TENM3: variants seen among roughly 807,000 people sequenced by gnomAD.
The protein encoded by TENM3 is teneurin transmembrane protein 3.
A neutral mutation model predicts 255.1 loss-of-function variants in TENM3; 63 were observed. That is an observed-to-expected ratio of 0.25 (90% CI 0.20 to 0.30). The LOEUF (loss-of-function observed/expected upper bound fraction) is 0.30. TENM3 is among the 10% of genes least tolerant of loss of function. The probability of loss-of-function intolerance (pLI) is 1.00; values close to 1 mark genes in which losing one functional copy is unlikely to be tolerated. For synonymous variants in TENM3, 1,306 were observed against 1,322.3 expected, an observed-to-expected ratio of 0.99 and a Z score of 0.27; for missense variants, 2,929 against 3,461.1, an observed-to-expected ratio of 0.85 and a Z score of 3.86.
At chr4:182,598,783 C>T (rs1039896704) in intron 3 of TENM3, among the ~76,000 whole-genome samples, 2 of 152,178 alleles carry the variant, frequency 1.3e-5, no homozygotes, top group Non-Finnish European at 2.9e-5. Flanking sequence ...TACAATTGCA[C>T]TAAGACCTGG....
At chr4:182,277,653 G>A (rs967305591) in intron 1 of TENM3, among the ~76,000 whole-genome samples, 1 of 152,308 alleles carries the variant, frequency 6.6e-6, no homozygotes, top group African/African-American at 2.4e-5. Flanking sequence ...AAGCAGTACG[G>A]CGTTGCCTTA....
chr4:181,555,607 C>A, the TENM3 span, among the ~76,000 whole-genome samples: 1 of 152,128 alleles, frequency 6.6e-6, no homozygotes, highest in Non-Finnish European at 1.5e-5. Flanking sequence ...TAACAAGTAT[C>A]CTTAATGCCT....
chr4:181,528,317 G>T, the TENM3 span, among the ~76,000 whole-genome samples: 1 of 152,010 alleles, frequency 6.6e-6, no homozygotes, highest in African/African-American at 2.4e-5. Context: ...TTATTATTTT[G>T]ATCCTAAAGA....
At chr4:181,664,194 G>T in the TENM3 span, among the ~76,000 whole-genome samples, 5 of 152,120 alleles carry the variant, frequency 3.3e-5, no homozygotes, top group African/African-American at 9.7e-5. Flanking sequence ...CTGGCTGGGC[G>T]CAGTGGCTCA....
chr4:182,787,014 A>ACTT (rs1765718636), intron 24 of TENM3, among the ~76,000 whole-genome samples: 1 of 152,298 alleles, frequency 6.6e-6, no homozygotes, highest in East Asian at 1.9e-4. Context: ...GCCATTTATC[A>ACTT]CTTTGATACA....
the TENM3 span, among the ~76,000 whole-genome samples, chr4:181,479,527 T>C: frequency 1.3e-5 from 2 of 152,296 alleles, no homozygotes; most frequent in East Asian, 1.9e-4. Flanking sequence ...AGCCCTCCTG[T>C]CTTCCTTTCT....
At chr4:182,550,499 G>A (rs911252595) in intron 3 of TENM3, among the ~76,000 whole-genome samples, 1 of 152,170 alleles carries the variant, frequency 6.6e-6, no homozygotes. Flanking sequence ...ATCCTTTGCA[G>A]ATGTTAATTT....
At chr4:182,345,175 C>G (rs1470612856) in intron 2 of TENM3, among the ~76,000 whole-genome samples, 3 of 152,072 alleles carry the variant, frequency 2.0e-5, no homozygotes, top group Non-Finnish European at 2.9e-5. Flanking sequence ...AAGCTGATTC[C>G]AACTTCTGAT....
At chr4:181,628,418 T>C in the TENM3 span, among the ~76,000 whole-genome samples, 16 of 152,212 alleles carry the variant, frequency 1.1e-4, no homozygotes, top group Non-Finnish European at 2.1e-4. Context: ...CATGCCTATG[T>C]CCTGAATGGT....
At chr4:182,761,342 C>A (rs1763174382) in intron 22 of TENM3, among the ~76,000 whole-genome samples, 2 of 152,152 alleles carry the variant, frequency 1.3e-5, no homozygotes, top group South Asian at 4.2e-4. Context: ...TCGCTTGAAC[C>A]CGGGAGGCAG....
chr4:182,478,017 TAGTG>T (rs577378251), intron 3 of TENM3, among the ~76,000 whole-genome samples: 174 of 152,282 alleles, frequency 1.1e-3, no homozygotes, highest in African/African-American at 3.9e-3. Flanking sequence ...ATTTTACACA[TAGTG>T]AGAACTGTTT....
At position 182,796,789 on chromosome 4, in the gene TENM3, G is replaced by C. The variant is rs780542144; in HGVS notation, c.7344+22G>C. 5 of 1,584,000 alleles carry C rather than the reference G, an allele frequency of 3.2e-6. No homozygotes were observed. The East Asian group carries it at 1.1e-4, about 36-fold the overall frequency. On this transcript the variant is annotated intron_variant, in intron 27 of 27. Coordinates refer to ENST00000511685, the MANE Select transcript of TENM3 (RefSeq NM_001080477.4). ...ACCGGTAAGAAACAAAAAGACCTAC[G>C]GAAAGGTGATAAGTAGCTTGTGTCT...
chr4:182,781,663 A>C lies in TENM3; in HGVS notation c.5304+6510A>C, dbSNP rs879416542. 8.9e-3 allele frequency among the ~76,000 whole-genome samples: 1,340 copies of C among 149,854 alleles called. 6 individuals carry two copies. The highest frequency in any genetic ancestry group is 0.014 in the Non-Finnish European group (944 of 67,098). ...CCTCCTTGTACCTCTGGTAGAATTC[A>C]GCTGTGAATCCATCTGGTCCTGGAC... is the stretch of plus-strand genomic sequence containing the variant. On this transcript the variant is annotated intron_variant, in intron 24 of 27. Transcript: ENST00000511685.
chr4:182,103,448 G>A, the TENM3 span, among the ~76,000 whole-genome samples: 5 of 152,236 alleles, frequency 3.3e-5, no homozygotes, highest in African/African-American at 1.2e-4. Context: ...TCAATCAATG[G>A]CCTCTTCATA....
intron 5 of TENM3, among the ~76,000 whole-genome samples, chr4:182,642,066 T>G (rs1752364633): frequency 6.6e-6 from 1 of 152,240 alleles, no homozygotes; most frequent in Admixed American, 6.5e-5. Context: ...TTGAATGTTA[T>G]TGAAATAAGT....
intron 1 of TENM3, among the ~76,000 whole-genome samples, chr4:182,262,539 G>A (rs1434441580): frequency 1.3e-5 from 2 of 152,008 alleles, no homozygotes; most frequent in Admixed American, 6.6e-5. Flanking sequence ...CCAGCGCCAC[G>A]ACAATTTACA....
At chr4:182,344,288 A>C (rs996832878) in intron 2 of TENM3, among the ~76,000 whole-genome samples, 1 of 152,156 alleles carries the variant, frequency 6.6e-6, no homozygotes, top group Non-Finnish European at 1.5e-5. Flanking sequence ...TTTTTAATTC[A>C]GTAAGGAAAT....
chr4:182,670,345 G>T (rs1561082961), intron 6 of TENM3, among the ~76,000 whole-genome samples: 1 of 152,100 alleles, frequency 6.6e-6, no homozygotes, highest in Non-Finnish European at 1.5e-5. Context: ...AAATAGACCT[G>T]ATAGCTACCA....
intron 3 of TENM3, among the ~76,000 whole-genome samples, chr4:182,480,206 G>A (rs73872410): frequency 0.021 from 3,174 of 152,010 alleles, 111 homozygotes; most frequent in African/African-American, 0.071. Flanking sequence ...TTTTGGTCAT[G>A]CTAAGCTTCC....
Sources: allele counts gnomAD v4.1 joint callset (sites outside exome capture counted in the v4.1 genomes callset), GRCh38; gene constraint gnomAD v4.1.1; transcripts MANE v1.5; gene names NCBI Gene and HGNC (gene_info 2026-07-23, HGNC 2026-07-21).